Variants in ADGRV1 observed in about 807,000 individuals in gnomAD.
ADGRV1 encodes G-protein coupled receptor 98.
Under a neutral mutation model 596.2 loss-of-function variants are expected in ADGRV1, and 359 were observed. That is an observed-to-expected ratio of 0.60 (90% CI 0.55 to 0.66). The LOEUF (loss-of-function observed/expected upper bound fraction) is 0.66, where lower values mean the gene tolerates loss of function less well. Among genes scored for constraint, ADGRV1 ranks in the 30% least tolerant of loss-of-function variants. ADGRV1 has a pLI of 0.00. For synonymous variants in ADGRV1, 2,681 were observed against 2,679.2 expected, an observed-to-expected ratio of 1.00 and a Z score of -0.02; for missense variants, 7,274 against 7,575.6, an observed-to-expected ratio of 0.96 and a Z score of 1.48.
chr5:90,963,602 A>C (rs1778205592), intron 83 of ADGRV1, among the ~76,000 whole-genome samples: 1 of 151,902 alleles, frequency 6.6e-6, no homozygotes, highest in Admixed American at 6.6e-5. Flanking sequence ...CACCAAATCT[A>C]GGGCTAAGTA....
chr5:90,683,480 C>T lies in ADGRV1; in HGVS notation c.5665-106C>T, dbSNP rs1220011886. The T allele has an allele frequency of 5.4e-6, 5 of 924,644 alleles. No homozygotes were observed. The South Asian group carries it at 7.7e-5, about 14-fold the overall frequency. 57.3% of individuals were successfully genotyped at this position (924,644 alleles called of 1,614,324 possible). Reference sequence around the variant, plus strand: ...AGCAGTCTTGTAGTCTGGAGAAGAACTTATATAAAATAAAATTGTGCTGCT... The same window carrying T: ...AGCAGTCTTGTAGTCTGGAGAAGAATTTATATAAAATAAAATTGTGCTGCT... On this transcript the variant is annotated intron_variant, in intron 27 of 89. Transcript: ENST00000405460.
chr5:90,805,221 A>C, intron 71 of ADGRV1, 63 bp from the exon 72 acceptor site: 1 of 1,434,792 alleles, frequency 7.0e-7, no homozygotes, highest in Non-Finnish European at 9.6e-7. Context: ...CGTTTAACCC[A>C]TTCCTCAGAA....
At chr5:91,127,085 G>T (rs1582137788) in intron 87 of ADGRV1, among the ~76,000 whole-genome samples, 1 of 152,098 alleles carries the variant, frequency 6.6e-6, no homozygotes, top group African/African-American at 2.4e-5. Context: ...CTTTGCGCTT[G>T]CTGGTAGGTG....
In ADGRV1 at chr5:90,930,508, G is replaced by A. The variant is rs529645026; in HGVS notation, c.17857-34907G>A. Among the ~76,000 whole-genome samples, 83 of 152,272 alleles carry A rather than the reference G, an allele frequency of 5.5e-4. 1 individual carries two copies. In the South Asian group the frequency reaches 0.017, roughly 31 times the overall value. Reference sequence around the variant, plus strand: ...GGACTTTTATAACTTGGTATTCAATGTATGAATTCTTGTCAATGAAACAGT... The same window carrying A: ...GGACTTTTATAACTTGGTATTCAATATATGAATTCTTGTCAATGAAACAGT... On this transcript the variant is annotated intron_variant, in intron 83 of 89. Transcript: ENST00000405460.
At chr5:90,972,835 A>G (rs182193823) in intron 84 of ADGRV1, among the ~76,000 whole-genome samples, 1 of 152,152 alleles carries the variant, frequency 6.6e-6, no homozygotes, top group East Asian at 1.9e-4. Context: ...AGCAGAAGAC[A>G]AGAAATAACT....
intron 29 of ADGRV1, among the ~76,000 whole-genome samples, 173 bp downstream of exon 29, chr5:90,686,168 G>C (rs1009184424): frequency 1.0e-4 from 15 of 149,964 alleles, no homozygotes; most frequent in Non-Finnish European, 1.6e-4. Flanking sequence ...TTTTTGGGGG[G>C]GGGGATGGAG....
At chr5:90,932,053 C>G (rs1775299552) in intron 83 of ADGRV1, among the ~76,000 whole-genome samples, 1 of 152,246 alleles carries the variant, frequency 6.6e-6, no homozygotes, top group South Asian at 2.1e-4. Flanking sequence ...AAATTTTCCA[C>G]TTGCTAGAAG....
At chr5:90,881,850 C>A (rs371975594) in intron 83 of ADGRV1, among the ~76,000 whole-genome samples, 28 of 152,148 alleles carry the variant, frequency 1.8e-4, no homozygotes, top group African/African-American at 6.0e-4. Flanking sequence ...CCTCAGCTTC[C>A]TGAGTAGTTG....
At chr5:90,590,758 A>G (rs1759384183) in intron 1 of ADGRV1, among the ~76,000 whole-genome samples, 1 of 152,232 alleles carries the variant, frequency 6.6e-6, no homozygotes. Flanking sequence ...TGAAAGTATA[A>G]TAATACACTG....
intron 67 of ADGRV1, among the ~76,000 whole-genome samples, chr5:90,787,762 T>A (rs1759628183): frequency 6.6e-6 from 1 of 152,014 alleles, no homozygotes; most frequent in South Asian, 2.1e-4. Flanking sequence ...GGCTAATTTT[T>A]GTAATTTTAG....
Position 90,804,404 on chromosome 5 carries a change from G to GA in ADGRV1, c.14662-870dup, listed in dbSNP as rs201656506. On this transcript the variant is annotated intron_variant, in intron 71 of 89. Transcript: ENST00000405460. ...ATGACAGAGCGACGCTCTGTCTCAAGAAAAAAAAAAGAAGAAAAAGAGAAG... is the reference window on the plus strand; with the variant it reads ...ATGACAGAGCGACGCTCTGTCTCAAGAAAAAAAAAAAGAAGAAAAAGAGAAG... Among the ~76,000 whole-genome samples the GA allele has an allele frequency of 1.6e-3, 236 of 145,284 alleles. 4 individuals are homozygous for GA. The highest frequency in any genetic ancestry group is 4.9e-3 in the African/African-American group (194 of 39,722).
chr5:90,820,730 G>A (rs1256720468), intron 75 of ADGRV1, among the ~76,000 whole-genome samples: 1 of 151,336 alleles, frequency 6.6e-6, no homozygotes. Flanking sequence ...CTTTAAGAAT[G>A]TTGAATATTG....
chr5:91,124,098 G>A (rs948204244), intron 87 of ADGRV1, among the ~76,000 whole-genome samples: 15 of 152,228 alleles, frequency 9.9e-5, no homozygotes, highest in African/African-American at 2.6e-4. Flanking sequence ...CTCAGTGTCC[G>A]TCTTCAGTTG....
Position 90,668,070 on chromosome 5 carries a change from T to C in ADGRV1, c.4753-4476T>C, listed in dbSNP as rs1400761073. 1.2e-4 allele frequency among the ~76,000 whole-genome samples: 19 copies of C among 152,108 alleles called. No homozygotes were observed. In the East Asian group the frequency reaches 3.5e-3, roughly 28 times the overall value. On this transcript the variant is annotated intron_variant, in intron 21 of 89. Coordinates refer to ENST00000405460, the MANE Select transcript of ADGRV1 (RefSeq NM_032119.4). The stretch of plus-strand genomic sequence containing the variant: ...GGTTACTGCTGTCTTTTTGTTTGTC[T>C]GTGCCCTGCCCCCAGAGGTGGAGCC...
intron 54 of ADGRV1, among the ~76,000 whole-genome samples, chr5:90,754,414 T>A (rs1755605464): frequency 6.6e-6 from 1 of 152,176 alleles, no homozygotes; most frequent in African/African-American, 2.4e-5. Context: ...ATTTGAATAG[T>A]CAATGGGAAA....
At chr5:91,053,481 T>G (rs1786536582) in intron 85 of ADGRV1, among the ~76,000 whole-genome samples, 1 of 152,190 alleles carries the variant, frequency 6.6e-6, no homozygotes, top group Non-Finnish European at 1.5e-5. Flanking sequence ...CCTGAAAATC[T>G]CAAGCCCTGC....
intron 1 of ADGRV1, among the ~76,000 whole-genome samples, chr5:90,612,082 A>G (rs1225026953): frequency 2.0e-5 from 3 of 152,092 alleles, no homozygotes; most frequent in Non-Finnish European, 4.4e-5. Flanking sequence ...CTCATTTTGC[A>G]TAATCAAAAC....
intron 86 of ADGRV1, among the ~76,000 whole-genome samples, chr5:91,084,446 G>A (rs1789683454): frequency 6.6e-6 from 1 of 152,160 alleles, no homozygotes; most frequent in African/African-American, 2.4e-5. Flanking sequence ...CTCAAAAGAA[G>A]ACATTTATGT....
At chr5:90,728,643 G>A in intron 48 of ADGRV1, 26 bp from the exon 49 acceptor site, 1 of 1,587,956 alleles carries the variant, frequency 6.3e-7, no homozygotes, top group Non-Finnish European at 8.6e-7. Flanking sequence ...GTCATAAAGG[G>A]TTTTGTATTT....
Sources: allele counts gnomAD v4.1 joint callset (sites outside exome capture counted in the v4.1 genomes callset), GRCh38; gene constraint gnomAD v4.1.1; transcripts MANE v1.5; gene names NCBI Gene and HGNC (gene_info 2026-07-23, HGNC 2026-07-21).